MAFG: variants seen among roughly 807,000 people sequenced by gnomAD.
MAFG encodes MAF bZIP transcription factor G, also known as transcription factor MafG.
Under a neutral mutation model 12.2 loss-of-function variants are expected in MAFG, and 3 were observed. The observed-to-expected ratio is 0.25, with a 90% CI of 0.11 to 0.64. The LOEUF (loss-of-function observed/expected upper bound fraction) is 0.64. MAFG is among the 30% of genes least tolerant of loss of function. The pLI is 0.85. For missense variants in MAFG, 153 were observed against 235.5 expected (o/e 0.65, Z 2.29); for synonymous variants, 126 against 109.1 (o/e 1.15, Z -0.96).
In MAFG at chr17:81,919,692, G is replaced by C. The variant is rs1266840943; in HGVS notation, c.*2913C>G. On this transcript the variant is annotated 3_prime_UTR_variant, in exon 3 of 3. Coordinates refer to ENST00000357736, the MANE Select transcript of MAFG (RefSeq NM_002359.4). The stretch of plus-strand genomic sequence containing the variant: ...CACCCTCTCCACCACCCTCTCAGTA[G>C]GAAAGCGGGATCAACAGAGATCAGA... 3 of 152,338 alleles carry C rather than the reference G, an allele frequency of 2.0e-5. No homozygotes were observed. Among genetic ancestry groups the C allele is most frequent in the African/African-American group, 7.2e-5 (3 of 41,454 alleles). 9.4% of individuals were successfully genotyped at this position (152,338 alleles called of 1,614,324 possible). A position where few individuals can be genotyped will look rare whatever the true frequency, so the allele number is the denominator to read the frequency against.
At chr17:81,929,947 CA>C (rs2040972444), upstream of MAFG, 1 of 146,922 alleles carries the variant, frequency 6.8e-6, no homozygotes, top group African/African-American at 2.8e-5. This position sits in a 1 kb window ranked among gnomAD's most constrained non-coding sequence, Gnocchi z 5.7. Flanking sequence ...CTGAGCCCCG[CA>C]GGCACCTCCC....
rs2040887573 is a variant in MAFG at position 81,921,370 on chromosome 17, A to G, written c.*1235T>C. On this transcript the variant is annotated 3_prime_UTR_variant, in exon 3 of 3. Transcript: ENST00000357736. ...CGAACACGGGAAAACAGACACAAGA[A>G]GTGACACCCACAGGTCAAAGGTCAC... 1 of 152,368 alleles carries G rather than the reference A, an allele frequency of 6.6e-6. No homozygotes were observed. The highest frequency in any genetic ancestry group is 1.5e-5 in the Non-Finnish European group (1 of 68,082). The allele number at this position is 152,368 out of a possible 1,614,324, so 9.4% of individuals were successfully genotyped here. A position where few individuals can be genotyped will look rare whatever the true frequency, so the allele number is the denominator to read the frequency against.
Position 81,921,687 on chromosome 17 carries a change from T to TC in MAFG, c.*917dup. On this transcript the variant is annotated 3_prime_UTR_variant, in exon 3 of 3. Transcript: ENST00000357736. ...AAGTTTACAAGAAAGGGATTTTTTT[T>TC]CTTTTTTTTTCTTTTTTTTTTAACT... 1 of 150,846 alleles carries TC rather than the reference T, an allele frequency of 6.6e-6. No homozygotes were observed. The highest frequency in any genetic ancestry group is 1.9e-4 in the East Asian group (1 of 5,180). The allele number at this position is 150,846 out of a possible 1,614,324, so 9.3% of individuals were successfully genotyped here. A position where few individuals can be genotyped will look rare whatever the true frequency, so the allele number is the denominator to read the frequency against.
chr17:81,925,065 C>G (rs1032646124), intron 1 of MAFG, among the ~76,000 whole-genome samples: 2 of 152,202 alleles, frequency 1.3e-5, no homozygotes, highest in African/African-American at 4.8e-5. Context: ...CAGTGCGTTC[C>G]AGGCTCCTGG....
At chr17:81,927,124 G>T (rs1330045492) in intron 1 of MAFG, among the ~76,000 whole-genome samples, 1 of 151,242 alleles carries the variant, frequency 6.6e-6, no homozygotes, top group African/African-American at 2.4e-5. Flanking sequence ...GCCACCGGAT[G>T]AATCAGCAGC....
At chr17:81,925,533 G>A (rs964754271) in intron 1 of MAFG, among the ~76,000 whole-genome samples, 3 of 152,200 alleles carry the variant, frequency 2.0e-5, no homozygotes, top group Admixed American at 6.5e-5. Flanking sequence ...TAAATGGGCC[G>A]CGCGGTGGCT....
In MAFG at chr17:81,921,849, T is replaced by C. The variant is rs530997805; in HGVS notation, c.*756A>G. Reference sequence around the variant, plus strand: ...CTTTAACTTTTAAACATATAATTAATTTAATAACTTTGTAAAAGGAACTTC... The same window carrying C: ...CTTTAACTTTTAAACATATAATTAACTTAATAACTTTGTAAAAGGAACTTC... On this transcript the variant is annotated 3_prime_UTR_variant, in exon 3 of 3. Transcript: ENST00000357736. The C allele has an allele frequency of 6.6e-6, 1 of 152,190 alleles. No homozygotes were observed. The highest frequency in any genetic ancestry group is 1.9e-4 in the East Asian group (1 of 5,206). The allele number at this position is 152,190 out of a possible 1,614,324, so 9.4% of individuals were successfully genotyped here.
rs759186666 is a variant in MAFG, at chr17:81,919,106, C to T, written c.*3499G>A. On this transcript the variant is annotated 3_prime_UTR_variant, in exon 3 of 3. Transcript: ENST00000357736. The stretch of plus-strand genomic sequence containing the variant: ...GACAGCCAACAGGAAGGCAAAAATA[C>T]ACCAAAAAGAATTATTCAGTGGCTT... 1.3e-5 allele frequency: 2 copies of T among 152,292 alleles called. No homozygotes were observed. Among genetic ancestry groups the T allele is most frequent in the African/African-American group, 4.8e-5 (2 of 41,476 alleles). 9.4% of individuals were successfully genotyped at this position (152,292 alleles called of 1,614,324 possible).
chr17:81,922,603 C>A lies in MAFG; in HGVS notation c.*2G>T. 6.8e-7 allele frequency: 1 copy of A among 1,463,024 alleles called. No individual in the cohort carries two copies. The allele number at this position is 1,463,024 out of a possible 1,614,324, so 90.6% of individuals were successfully genotyped here. On this transcript the variant is annotated 3_prime_UTR_variant, in exon 3 of 3. Coordinates refer to ENST00000357736, the MANE Select transcript of MAFG (RefSeq NM_002359.4). ...AAGACCCGCCTGGGCAGACGCGCGT[C>A]CCTACGATCGGGCATCCGTCTTGGA...
intron 1 of MAFG, among the ~76,000 whole-genome samples, chr17:81,925,789 A>C (rs1461016390): frequency 6.7e-6 from 1 of 150,128 alleles, no homozygotes; most frequent in Non-Finnish European, 1.5e-5. Context: ...GCCTGGGCAA[A>C]AGAGTGAGAC....
In MAFG at chr17:81,918,636, A is replaced by C. The variant is rs566384637; in HGVS notation, c.*3969T>G. 1.1e-4 allele frequency: 17 copies of C among 152,844 alleles called. No homozygotes were observed. Among genetic ancestry groups the C allele is most frequent in the African/African-American group, 3.6e-4 (15 of 41,580 alleles). The allele number at this position is 152,844 out of a possible 1,614,324, so 9.5% of individuals were successfully genotyped here. A position where few individuals can be genotyped will look rare whatever the true frequency, so the allele number is the denominator to read the frequency against. ...TAGGCAGGGCAGGCAGGGACTGATC[A>C]ACTCTGCTTGGACCCACCTCTCAGC... On this transcript the variant is annotated 3_prime_UTR_variant, in exon 3 of 3. Transcript: ENST00000357736.
intron 1 of MAFG, among the ~76,000 whole-genome samples, chr17:81,925,266 G>T (rs1490019965): frequency 6.6e-6 from 1 of 152,230 alleles, no homozygotes; most frequent in Non-Finnish European, 1.5e-5. Flanking sequence ...TCCGCAACCT[G>T]CGAGGGTACC....
At chr17:81,929,103 G>C (rs1370919547), upstream of MAFG, among the ~76,000 whole-genome samples, 1 of 152,212 alleles carries the variant, frequency 6.6e-6, no homozygotes, top group African/African-American at 2.4e-5. The surrounding 1 kb of genome is among the most constrained non-coding windows in gnomAD (Gnocchi z 5.7). Flanking sequence ...TCACCAGGCT[G>C]TCCCCACTCA....
At position 81,927,695 on chromosome 17, in the gene MAFG, C is replaced by A; in HGVS notation, c.-197G>T. On this transcript the variant is annotated 5_prime_UTR_variant, in exon 1 of 3. Coordinates refer to ENST00000357736, the MANE Select transcript of MAFG (RefSeq NM_002359.4). ...TGGGAAGGCCGGGCCGGACCAGGCT[C>A]GGGATCCGCCGCCGCCGCCGCCGCT... 6.6e-6 allele frequency: 1 copy of A among 151,626 alleles called. No individual in the cohort carries two copies. Among genetic ancestry groups the A allele is most frequent in the South Asian group, 1.8e-4 (1 of 5,496 alleles). The allele number at this position is 151,626 out of a possible 1,614,324, so 9.4% of individuals were successfully genotyped here.
chr17:81,923,406 C>A, intron 1 of MAFG, 192 bp from the exon 2 acceptor site: 1 of 474,828 alleles, frequency 2.1e-6, no homozygotes, highest in Non-Finnish European at 3.7e-6. Context: ...TGCTTCCTGT[C>A]CACCCTGCCC....
chr17:81,922,920 C>A lies in MAFG; in HGVS notation c.174G>T (p.Thr58=), dbSNP rs374433638. 1.9e-6 allele frequency: 3 copies of A among 1,608,008 alleles called. No individual in the cohort carries two copies. The highest frequency in any genetic ancestry group is 2.5e-6 in the Non-Finnish European group (3 of 1,177,822). ...EIVQLKQRRR[T]LKNRGYAASC... is the part of the protein sequence containing the mutation. ...TGGCAGCGTAGCCGCGGTTCTTGAG[C>A]GTGCGCCGGCGCTGCTTCAGCTGGA... The change falls in exon 3 of 3, where the codon ACG becomes ACT. Residue 58 remains threonine (T), a synonymous_variant. Transcript: ENST00000357736.
upstream of MAFG, chr17:81,929,878 C>T (rs1445994799): frequency 6.6e-6 from 1 of 150,472 alleles, no homozygotes; most frequent in African/African-American, 2.6e-5. The surrounding 1 kb of genome is among the most constrained non-coding windows in gnomAD (Gnocchi z 5.7). Flanking sequence ...TTCTGTGGGA[C>T]TGGCCCCCGC....
chr17:81,918,355 C>T lies in MAFG; in HGVS notation c.*4250G>A, dbSNP rs1396857280. On this transcript the variant is annotated 3_prime_UTR_variant, in exon 3 of 3. Transcript: ENST00000357736. ...TACACTATGTACAGCAATAAATACCCGGGGGGCCAGGCCCAGTGCTGCCCC... is the reference window on the plus strand; with the variant it reads ...TACACTATGTACAGCAATAAATACCTGGGGGGCCAGGCCCAGTGCTGCCCC... 50 of 373,586 alleles carry T rather than the reference C, an allele frequency of 1.3e-4. No individual in the cohort carries two copies. Among genetic ancestry groups the T allele is most frequent in the African/African-American group, 4.2e-5 (2 of 47,132 alleles). 23.1% of individuals were successfully genotyped at this position (373,586 alleles called of 1,614,324 possible). A position where few individuals can be genotyped will look rare whatever the true frequency, so the allele number is the denominator to read the frequency against.
Position 81,922,580 on chromosome 17 carries a change from G to T in MAFG, c.*25C>A. The T allele has an allele frequency of 7.0e-7, 1 of 1,430,210 alleles. No homozygotes were observed. Among genetic ancestry groups the T allele is most frequent in the Non-Finnish European group, 9.2e-7 (1 of 1,091,898 alleles). The allele number at this position is 1,430,210 out of a possible 1,614,324, so 88.6% of individuals were successfully genotyped here. On this transcript the variant is annotated 3_prime_UTR_variant, in exon 3 of 3. Transcript: ENST00000357736. Reference sequence around the variant, plus strand: ...GCCATGTGCCTAGTGGCCCCGCAAAGACCCGCCTGGGCAGACGCGCGTCCC... The same window carrying T: ...GCCATGTGCCTAGTGGCCCCGCAAATACCCGCCTGGGCAGACGCGCGTCCC...
Sources: gnomAD v4.1 joint callset for allele counts (sites outside exome capture counted in the v4.1 genomes callset) on GRCh38, gnomAD v4.1.1 for gene constraint, Gnocchi (gnomAD v3.1) non-coding constraint, MANE v1.5 for transcripts, NCBI Gene and HGNC (gene_info 2026-07-23, HGNC 2026-07-21) for gene names.